LRRIQ4: variants seen among roughly 807,000 people sequenced by gnomAD.
LRRIQ4 encodes the protein leucine-rich repeat and IQ domain-containing protein 4.
Under a neutral mutation model 40.1 loss-of-function variants are expected in LRRIQ4, and 21 were observed. The observed-to-expected ratio is 0.52, with a 90% CI of 0.37 to 0.75. The LOEUF is 0.75. Ranked by LOEUF, LRRIQ4 falls within the 30% of genes least tolerant of loss-of-function variation. LRRIQ4 has a pLI of 0.00. For missense variants in LRRIQ4, 655 were observed against 660.0 expected (o/e 0.99, Z 0.08); for synonymous variants, 277 against 277.1 (o/e 1.00, Z 0.00).
At chr3:169,827,036 G>T (rs1050813771) in intron 2 of LRRIQ4, among the ~76,000 whole-genome samples, 1 of 152,076 alleles carries the variant, frequency 6.6e-6, no homozygotes, top group African/African-American at 2.4e-5. Flanking sequence ...CCAATTACCT[G>T]TCTATTCCAC....
At chr3:169,830,416 A>G (rs1315734780) in intron 3 of LRRIQ4, 76 bp from the exon 4 acceptor site, 9 of 357,902 alleles carry the variant, frequency 2.5e-5, no homozygotes, top group African/African-American at 4.4e-5. Context: ...AAAATGCATG[A>G]GCACCCACAG....
At chr3:169,826,620 G>A (rs1780046637) in intron 2 of LRRIQ4, among the ~76,000 whole-genome samples, 1 of 152,074 alleles carries the variant, frequency 6.6e-6, no homozygotes, top group Admixed American at 6.5e-5. Flanking sequence ...AATGTGCTTT[G>A]AAAAAGAAAA....
At chr3:169,813,671 T>TA (rs1173655207) in intron 1 of LRRIQ4, among the ~76,000 whole-genome samples, 1 of 152,218 alleles carries the variant, frequency 6.6e-6, no homozygotes, top group Non-Finnish European at 1.5e-5. Context: ...AAGGGATATT[T>TA]AAACTCCCAA....
intron 5 of LRRIQ4, 140 bp from the exon 6 acceptor site, chr3:169,837,339 T>C (rs1421275764): frequency 5.0e-6 from 5 of 997,824 alleles, no homozygotes; most frequent in East Asian, 3.1e-5. Flanking sequence ...TTGAGAAAGA[T>C]AGAAAATAAA....
chr3:169,824,870 A>G (rs1179857528), intron 2 of LRRIQ4, among the ~76,000 whole-genome samples: 1 of 152,158 alleles, frequency 6.6e-6, no homozygotes, highest in East Asian at 1.9e-4. Context: ...ACAACTGTAG[A>G]GGGAGTAAAA....
At chr3:169,830,965 T>A (rs1292721626) in intron 4 of LRRIQ4, among the ~76,000 whole-genome samples, 1 of 152,236 alleles carries the variant, frequency 6.6e-6, no homozygotes, top group Non-Finnish European at 1.5e-5. Context: ...GTTGGGATCC[T>A]GCAGTAAATT....
chr3:169,818,358 T>A (rs1226842128), intron 1 of LRRIQ4, among the ~76,000 whole-genome samples: 3 of 152,194 alleles, frequency 2.0e-5, no homozygotes, highest in Non-Finnish European at 4.4e-5. Flanking sequence ...CTTTCGTTCT[T>A]ATGAAGATGA....
At chr3:169,813,069 G>C in intron 1 of LRRIQ4, 23 bp downstream of exon 1, 1 of 153,366 alleles carries the variant, frequency 6.5e-6, no homozygotes. Flanking sequence ...ACTCAGATCA[G>C]TACAGACAGC....
intron 5 of LRRIQ4, among the ~76,000 whole-genome samples, chr3:169,836,119 G>A (rs1780297501): frequency 6.6e-6 from 1 of 151,908 alleles, no homozygotes; most frequent in South Asian, 2.1e-4. Flanking sequence ...AATCTAGTAG[G>A]AGGGAAATAA....
At chr3:169,837,367 C>T in intron 5 of LRRIQ4, 112 bp from the exon 6 acceptor site, 2 of 1,187,192 alleles carry the variant, frequency 1.7e-6, no homozygotes, top group African/African-American at 1.7e-5. Flanking sequence ...GTTCTAATCA[C>T]ATCCCATTCT....
chr3:169,824,067 T>C (rs1240144501), intron 2 of LRRIQ4, among the ~76,000 whole-genome samples: 1 of 152,170 alleles, frequency 6.6e-6, no homozygotes, highest in Admixed American at 6.5e-5. Context: ...CACAAAACTA[T>C]ATATATACAC....
intron 2 of LRRIQ4, among the ~76,000 whole-genome samples, chr3:169,825,674 G>A (rs1360431349): frequency 3.3e-5 from 5 of 152,140 alleles, no homozygotes; most frequent in African/African-American, 1.2e-4. Context: ...GAAATCAAAG[G>A]AGCAAATCAC....
rs1780224350 is a variant in LRRIQ4 at position 169,833,157 on chromosome 3, A to G, written c.1504A>G (p.Arg502Gly). 6.2e-7 allele frequency: 1 copy of G among 1,613,192 alleles called. No individual in the cohort carries two copies. Among genetic ancestry groups the G allele is most frequent in the Non-Finnish European group, 8.5e-7 (1 of 1,179,680 alleles). Residue 502 changes from arginine to glycine, a missense_variant, in exon 5 of 6, where the codon AGA becomes GGA. Transcript: ENST00000340806. ...EAIWKYLKEN[R>G]NRNIMATKIQ... is the part of the protein sequence containing the mutation. Reference sequence around the variant, plus strand: ...CATATGGAAATACCTCAAGGAAAACAGAAACAGGAATATAATGGCAACAAA... The same window carrying G: ...CATATGGAAATACCTCAAGGAAAACGGAAACAGGAATATAATGGCAACAAA...
At position 169,818,364 on chromosome 3, in the gene LRRIQ4, G is replaced by A. The variant is rs114085038; in HGVS notation, c.-31-3527G>A. Among the ~76,000 whole-genome samples, 610 of 152,290 alleles carry A rather than the reference G, an allele frequency of 4.0e-3. 7 individuals carry two copies. Among genetic ancestry groups the A allele is most frequent in the African/African-American group, 0.014 (589 of 41,560 alleles). On this transcript the variant is annotated intron_variant, in intron 1 of 5. Transcript: ENST00000340806. ...AAACCTGATCTTTCGTTCTTATGAA[G>A]ATGATTTCTTGTGTGAATAGTTGTT...
intron 2 of LRRIQ4, among the ~76,000 whole-genome samples, chr3:169,826,339 C>T (rs1338136362): frequency 1.3e-5 from 2 of 151,254 alleles, no homozygotes; most frequent in Admixed American, 1.3e-4. Flanking sequence ...TTGCAATGAG[C>T]CAAGATTGTA....
chr3:169,821,548 T>C (rs1424958444), intron 1 of LRRIQ4, among the ~76,000 whole-genome samples: 1 of 151,918 alleles, frequency 6.6e-6, no homozygotes, highest in Non-Finnish European at 1.5e-5. Flanking sequence ...AGCAGGAGAA[T>C]CGAATCACTT....
chr3:169,816,169 C>T (rs1039209735), intron 1 of LRRIQ4, among the ~76,000 whole-genome samples: 1 of 152,082 alleles, frequency 6.6e-6, no homozygotes, highest in African/African-American at 2.4e-5. Flanking sequence ...TAATACTGGC[C>T]TCATAGAACG....
At chr3:169,824,244 C>A (rs1421141565) in intron 2 of LRRIQ4, among the ~76,000 whole-genome samples, 1 of 151,990 alleles carries the variant, frequency 6.6e-6, no homozygotes, top group African/African-American at 2.4e-5. Context: ...CAGCTGGATG[C>A]AGTGGCTCAC....
rs1013919151 is a variant in LRRIQ4, at chr3:169,822,503, C to A, written c.582C>A (p.Asp194Glu). Residue 194 changes from aspartate to glutamate, a missense_variant, in exon 2 of 6, where the codon GAC (aspartate) becomes GAA (glutamate). Coordinates refer to ENST00000340806, the MANE Select transcript of LRRIQ4 (RefSeq NM_001080460.3). ...LCVLYTLEII[D>E]LDENKIGAIP... is the part of the protein sequence containing the mutation. ...TTCTCTACACCCTGGAAATCATTGA[C>A]CTGGACGAGAACAAAATAGGTGCCA... The A allele has an allele frequency of 6.2e-7, 1 of 1,614,014 alleles. No homozygotes were observed. Among genetic ancestry groups the A allele is most frequent in the Admixed American group, 1.7e-5 (1 of 60,020 alleles).
Sources: gnomAD v4.1 joint callset for allele counts (sites outside exome capture counted in the v4.1 genomes callset) on GRCh38, gnomAD v4.1.1 for gene constraint, MANE v1.5 for transcripts, NCBI Gene and HGNC (gene_info 2026-07-23, HGNC 2026-07-21) for gene names.